TMC3: variants seen among roughly 807,000 people sequenced by gnomAD.
TMC3 encodes transmembrane channel like 3.
In TMC3, 98 loss-of-function variants were observed where a neutral mutation model predicts 110.6. The observed-to-expected ratio is 0.89, with a 90% CI of 0.75 to 1.05. TMC3 has a LOEUF of 1.05. Ranked by LOEUF, TMC3 falls within the 50% of genes least tolerant of loss-of-function variation. TMC3 has a pLI of 0.00. For missense variants in TMC3, 1,319 were observed against 1,373.2 expected (o/e 0.96, Z 0.62); for synonymous variants, 489 against 513.1 (o/e 0.95, Z 0.63).
At chr15:81,367,705 T>C (rs1371528798) in intron 3 of TMC3, among the ~76,000 whole-genome samples, 1 of 152,212 alleles carries the variant, frequency 6.6e-6, no homozygotes, top group Non-Finnish European at 1.5e-5. Flanking sequence ...CCATCCTTTC[T>C]CCTGATGAAT....
At chr15:81,334,091 C>A (rs1308837919) in intron 21 of TMC3, among the ~76,000 whole-genome samples, 1 of 152,086 alleles carries the variant, frequency 6.6e-6, no homozygotes, top group African/African-American at 2.4e-5. Context: ...ACCCTTTCTC[C>A]TTGTCAAGAC....
chr15:81,357,307 C>CT (rs1284924897), intron 7 of TMC3, among the ~76,000 whole-genome samples: 2 of 151,866 alleles, frequency 1.3e-5, no homozygotes, highest in East Asian at 1.9e-4. Context: ...TGTTTATTGT[C>CT]TTTTTTTACC....
intron 3 of TMC3, 49 bp downstream of exon 3, chr15:81,368,204 A>AT (rs770534065): frequency 7.1e-7 from 1 of 1,403,546 alleles, no homozygotes; most frequent in Non-Finnish European, 1.0e-6. Flanking sequence ...AAGCACTGGG[A>AT]TTACAGGTGT....
chr15:81,333,388 T>C (rs1020909555), intron 21 of TMC3, 126 bp from the exon 22 acceptor site: 2 of 1,300,372 alleles, frequency 1.5e-6, no homozygotes, highest in Admixed American at 2.7e-5. Flanking sequence ...GGTTAATGGG[T>C]ATGGATTGTG....
intron 10 of TMC3, among the ~76,000 whole-genome samples, chr15:81,350,119 C>T (rs569649356): frequency 5.3e-5 from 8 of 152,102 alleles, no homozygotes; most frequent in African/African-American, 1.7e-4. Context: ...CCTATGGTCC[C>T]AGCTTGTTGG....
At chr15:81,368,096 G>A (rs796967854) in intron 3 of TMC3, among the ~76,000 whole-genome samples, 157 bp downstream of exon 3, 15 of 152,068 alleles carry the variant, frequency 9.9e-5, no homozygotes, top group African/African-American at 3.6e-4. Flanking sequence ...CACCACGCCC[G>A]GCTAATTTTT....
At chr15:81,371,404 T>C (rs1894431592) in intron 2 of TMC3, among the ~76,000 whole-genome samples, 4 of 152,280 alleles carry the variant, frequency 2.6e-5, no homozygotes, top group Admixed American at 2.6e-4. Context: ...GCCTAATACA[T>C]GGTTGATGTG....
chr15:81,362,315 G>T lies in TMC3; in HGVS notation c.313-14C>A. 3 of 1,606,592 alleles carry T rather than the reference G, an allele frequency of 1.9e-6. No individual in the cohort carries two copies. Among genetic ancestry groups the T allele is most frequent in the Non-Finnish European group, 2.6e-6 (3 of 1,175,760 alleles). ...TTTCCGCCAGAGCTAGACAAGAGGG[G>T]TCAGGATTAGAGAGGTCACGTACAT... is the stretch of plus-strand genomic sequence containing the variant. On this transcript the variant is annotated splice_polypyrimidine_tract_variant and intron_variant, in intron 3 of 21. Transcript: ENST00000359440.
At chr15:81,365,930 GAACT>G (rs1191900210) in intron 3 of TMC3, among the ~76,000 whole-genome samples, 1 of 151,988 alleles carries the variant, frequency 6.6e-6, no homozygotes, top group Non-Finnish European at 1.5e-5. Context: ...ATGTCAACAT[GAACT>G]ATCATACATG....
chr15:81,362,166 T>C, intron 4 of TMC3, 54 bp downstream of exon 4: 6 of 1,480,876 alleles, frequency 4.1e-6, no homozygotes, highest in Non-Finnish European at 5.5e-6. Flanking sequence ...CCTTAGGCTG[T>C]GACTGGCCAC....
intron 20 of TMC3, chr15:81,335,600 G>A (rs1165680492): frequency 6.5e-6 from 1 of 152,716 alleles, no homozygotes; most frequent in Non-Finnish European, 1.5e-5. Context: ...GGCCTTAGAG[G>A]TCTTGCTCAG....
rs192938455 is a variant in TMC3, at chr15:81,362,392, C to T, written c.313-91G>A. The stretch of plus-strand genomic sequence containing the variant: ...AGGCACCTAAATGGAGTATACCAGA[C>T]ACTCCCTCTGGTACCTTTAATTATG... On this transcript the variant is annotated intron_variant, in intron 3 of 21. Coordinates refer to ENST00000359440, the MANE Select transcript of TMC3 (RefSeq NM_001080532.3). 24 of 939,178 alleles carry T rather than the reference C, an allele frequency of 2.6e-5. No homozygotes were observed. In the African/African-American group the frequency reaches 4.1e-4, roughly 16 times the overall value. 58.2% of individuals were successfully genotyped at this position (939,178 alleles called of 1,614,324 possible).
At position 81,332,328 on chromosome 15, in the gene TMC3, T is replaced by C; in HGVS notation, c.*91A>G. On this transcript the variant is annotated 3_prime_UTR_variant, in exon 22 of 22. Coordinates refer to ENST00000359440, the MANE Select transcript of TMC3 (RefSeq NM_001080532.3). ...GCCCCTCAGGTCTCTAACACACTTG[T>C]TCACCTCTTTTTCCAGAAAGGGAGA... 1.4e-6 allele frequency: 2 copies of C among 1,463,770 alleles called. No individual in the cohort carries two copies. Among genetic ancestry groups the C allele is most frequent in the South Asian group, 1.4e-5 (1 of 69,024 alleles). The allele number at this position is 1,463,770 out of a possible 1,614,324, so 90.7% of individuals were successfully genotyped here. A position where few individuals can be genotyped will look rare whatever the true frequency, so the allele number is the denominator to read the frequency against.
Position 81,334,707 on chromosome 15 carries a change from A to C in TMC3, c.2459+13T>G. On this transcript the variant is annotated intron_variant, in intron 21 of 21. Coordinates refer to ENST00000359440, the MANE Select transcript of TMC3 (RefSeq NM_001080532.3). ...CATTCCAGGTTTTAATCTGTGCTGC[A>C]GTGGAGCCTCACCTGTTAGTTTCAT... The C allele has an allele frequency of 6.2e-7, 1 of 1,611,746 alleles. No homozygotes were observed. The highest frequency in any genetic ancestry group is 1.1e-5 in the South Asian group (1 of 90,988).
At chr15:81,341,958 T>G (rs1893725238) in intron 15 of TMC3, among the ~76,000 whole-genome samples, 1 of 152,232 alleles carries the variant, frequency 6.6e-6, no homozygotes, top group East Asian at 1.9e-4. Context: ...CTCACACATT[T>G]CAGTTTGTTT....
At position 81,334,903 on chromosome 15, in the gene TMC3, G is replaced by A. The variant is rs1303077659; in HGVS notation, c.2276C>T (p.Ser759Leu). Residue 759 changes from serine (S) to leucine (L), a missense_variant, in exon 21 of 22, where the codon TCA becomes TTA. Ser to Leu is a moderately radical substitution (Grantham distance 145). Transcript: ENST00000359440. ...NDSDLTSQLS[S>L]AHSGTPQNNG... The stretch of plus-strand genomic sequence containing the variant: ...GTTTTGGGGTGTGCCCGAGTGCGCT[G>A]AGGACAGCTGGCTGGTAAGATCACT... 1 of 1,613,928 alleles carries A rather than the reference G, an allele frequency of 6.2e-7. No individual in the cohort carries two copies. Among genetic ancestry groups the A allele is most frequent in the Non-Finnish European group, 8.5e-7 (1 of 1,179,906 alleles).
At position 81,341,465 on chromosome 15, in the gene TMC3, A is replaced by G. The variant is rs375844147; in HGVS notation, c.1769T>C (p.Ile590Thr). The G allele has an allele frequency of 4.3e-5, 69 of 1,611,638 alleles. No individual in the cohort carries two copies. The highest frequency in any genetic ancestry group is 5.4e-5 in the Non-Finnish European group (64 of 1,178,854). Reference sequence around the variant, plus strand: ...CCAGCTTCTCAGGTACATGAGCCCAATGAGTTTGAGAACGTTGAACGCTGG... The same window carrying G: ...CCAGCTTCTCAGGTACATGAGCCCAGTGAGTTTGAGAACGTTGAACGCTGG... ...CLPAFNVLKL[I>T]GLMYLRSWAV... The change falls in exon 16 of 22, where the codon ATT becomes ACT. Residue 590 changes from isoleucine to threonine, a missense_variant. Ile to Thr is a moderately conservative substitution (Grantham distance 89, BLOSUM62 -1). Coordinates refer to ENST00000359440, the MANE Select transcript of TMC3 (RefSeq NM_001080532.3).
chr15:81,371,371 G>T (rs916876569), intron 2 of TMC3, among the ~76,000 whole-genome samples: 1 of 152,208 alleles, frequency 6.6e-6, no homozygotes, highest in African/African-American at 2.4e-5. Context: ...AGGAAGAAAT[G>T]ATTTGATGGG....
chr15:81,348,817 G>T (rs1456227207), intron 11 of TMC3, among the ~76,000 whole-genome samples: 1 of 151,992 alleles, frequency 6.6e-6, no homozygotes, highest in Non-Finnish European at 1.5e-5. Flanking sequence ...TCATTTGTTT[G>T]TTTGTTTGTT....
Sources: gnomAD v4.1 joint callset for allele counts (sites outside exome capture counted in the v4.1 genomes callset) on GRCh38, gnomAD v4.1.1 for gene constraint, MANE v1.5 for transcripts, NCBI Gene and HGNC (gene_info 2026-07-23, HGNC 2026-07-21) for gene names.